The following ZNF174 variants were observed in gnomAD, a reference collection of about 807,000 sequenced individuals.
The protein encoded by ZNF174 is AW-1.
ZNF174 carries 30 observed loss-of-function variants against 38.7 expected under a neutral mutation model. The observed-to-expected ratio is 0.78, with a 90% CI of 0.58 to 1.05. The LOEUF is 1.05. ZNF174 is among the 50% of genes least tolerant of loss of function. The pLI, the probability that ZNF174 is intolerant of heterozygous loss-of-function variation, is 0.00. For missense variants in ZNF174, 499 were observed against 495.6 expected (o/e 1.01, Z -0.06); for synonymous variants, 201 against 181.7 (o/e 1.11, Z -0.86).
Position 3,409,156 on chromosome 16 carries a change from C to G in ZNF174, c.*237C>G, listed in dbSNP as rs373916241. ...GCACTGGGGCAAAGAGAACTTAAGT[C>G]TCTGCAGAGAGCAAGGAGTAACTAC... On this transcript the variant is annotated 3_prime_UTR_variant, in exon 3 of 3. Transcript: ENST00000268655. 5.6e-6 allele frequency: 3 copies of G among 531,196 alleles called. No individual in the cohort carries two copies. The South Asian group carries it at 6.9e-5, about 12-fold the overall frequency. The allele number at this position is 531,196 out of a possible 1,614,324, so 32.9% of individuals were successfully genotyped here.
In ZNF174 at chr16:3,402,415, G is replaced by A. The variant is rs373362212; in HGVS notation, c.402+9G>A. On this transcript the variant is annotated intron_variant, in intron 1 of 2. Transcript: ENST00000268655. ...AGAAACCAAAGCAGTGGGTAAGGAG[G>A]GTCCTCTCCCATCATCCTGGGGATT... 38 of 1,591,312 alleles carry A rather than the reference G, an allele frequency of 2.4e-5. No homozygotes were observed. Among genetic ancestry groups the A allele is most frequent in the Middle Eastern group, 1.7e-4 (1 of 6,012 alleles).
intron 1 of ZNF174, among the ~76,000 whole-genome samples, chr16:3,404,039 C>A (rs2034013776): frequency 6.6e-6 from 1 of 152,106 alleles, no homozygotes; most frequent in South Asian, 2.1e-4. Context: ...TTTTAACAGC[C>A]CCTCACCATA....
In ZNF174 at chr16:3,402,029, T is replaced by G; in HGVS notation, c.25T>G (p.Leu9Val). The G allele has an allele frequency of 6.2e-7, 1 of 1,612,982 alleles. No homozygotes were observed. Residue 9 changes from leucine (L) to valine (V), a missense_variant, in exon 1 of 3, where the codon TTA becomes GTA. Transcript: ENST00000268655. ...AATGGCAGCTAAAATGGAGATAACT[T>G]TAAGCTCCAACACTGAAGCTTCCTC... MAAKMEIT[L>V]SSNTEASSKQ...
chr16:3,408,171 C>G, intron 2 of ZNF174, 150 bp from the exon 3 acceptor site: 1 of 743,926 alleles, frequency 1.3e-6, no homozygotes, highest in African/African-American at 1.8e-5. Context: ...GGGTGAAGAG[C>G]CTGCTTGTTT....
chr16:3,401,890 A>C lies in ZNF174; in HGVS notation c.-115A>C, dbSNP rs2150920962. 2.2e-6 allele frequency: 3 copies of C among 1,337,042 alleles called. No homozygotes were observed. The highest frequency in any genetic ancestry group is 3.1e-6 in the Non-Finnish European group (3 of 972,796). The allele number at this position is 1,337,042 out of a possible 1,614,324, so 82.8% of individuals were successfully genotyped here. On this transcript the variant is annotated 5_prime_UTR_variant, in exon 1 of 3. Coordinates refer to ENST00000268655, the MANE Select transcript of ZNF174 (RefSeq NM_003450.3). Reference sequence around the variant, plus strand: ...GTCTCTGCATCCCGTTCCCCCTAACATCCTCAGAGAACCTTCGTTTCTAGA... The same window carrying C: ...GTCTCTGCATCCCGTTCCCCCTAACCTCCTCAGAGAACCTTCGTTTCTAGA...
In ZNF174 at chr16:3,402,275, A is replaced by C. The variant is rs768853864; in HGVS notation, c.271A>C (p.Met91Leu). 6.2e-7 allele frequency: 1 copy of C among 1,614,018 alleles called. No homozygotes were observed. Among genetic ancestry groups the C allele is most frequent in the South Asian group, 1.1e-5 (1 of 91,074 alleles). The change falls in exon 1 of 3, where the codon ATG (methionine) becomes CTG (leucine). Residue 91 changes from methionine to leucine, a missense_variant. Physicochemically the swap from Met to Leu is conservative, Grantham distance 15. Transcript: ENST00000268655. ...TKEQILELLVMEQFLTILPPE... is the reference protein window; with the variant it reads ...TKEQILELLVLEQFLTILPPE... Reference sequence around the variant, plus strand: ...GGAGCAGATTTTGGAGCTTCTGGTGATGGAGCAGTTCCTGACCATCCTGCC... The same window carrying C: ...GGAGCAGATTTTGGAGCTTCTGGTGCTGGAGCAGTTCCTGACCATCCTGCC...
Position 3,402,192 on chromosome 16 carries a change from CTCTCTCCCA to C in ZNF174, c.189_197del (p.Ser65_Leu67del). On this transcript the variant is annotated inframe_deletion, in exon 1 of 3. Coordinates refer to ENST00000268655, the MANE Select transcript of ZNF174 (RefSeq NM_003450.3). ...CAAGAGGTGTCTGGACCCCAAGAGG[CTCTCTCCCA>C]GCTCCGACAGCTCTGCCGTCAGTGG... is the stretch of plus-strand genomic sequence containing the variant. 1 of 1,612,770 alleles carries C rather than the reference CTCTCTCCCA, an allele frequency of 6.2e-7. No individual in the cohort carries two copies. The highest frequency in any genetic ancestry group is 2.2e-5 in the East Asian group (1 of 44,852).
chr16:3,406,858 G>A (rs1276560858), intron 2 of ZNF174, among the ~76,000 whole-genome samples: 2 of 152,144 alleles, frequency 1.3e-5, no homozygotes, highest in African/African-American at 2.4e-5. Flanking sequence ...GCACAAATAT[G>A]TACAGCTATG....
chr16:3,403,412 C>T (rs2033996002), intron 1 of ZNF174, among the ~76,000 whole-genome samples: 1 of 151,492 alleles, frequency 6.6e-6, no homozygotes, highest in Non-Finnish European at 1.5e-5. Context: ...CTCAAGTGAT[C>T]CTCCCGCCTT....
chr16:3,404,446 G>A lies in ZNF174; in HGVS notation c.423G>A (p.Gly141=), dbSNP rs1206115982. The change falls in exon 2 of 3, where the codon GGG becomes GGA. Residue 141 remains glycine, a synonymous_variant. Coordinates refer to ENST00000268655, the MANE Select transcript of ZNF174 (RefSeq NM_003450.3). ...CCTAGGTGGCCGTTTGTATGCAGGG[G>A]CAAAAGGTGCTCTTGGAGAAAACTG... The part of the protein sequence containing the change: ...PKQWVAVCMQ[G]QKVLLEKTGS... 1.2e-6 allele frequency: 2 copies of A among 1,608,658 alleles called. No individual in the cohort carries two copies. Among genetic ancestry groups the A allele is most frequent in the Admixed American group, 1.7e-5 (1 of 59,786 alleles).
Position 3,409,206 on chromosome 16 carries a change from C to G in ZNF174, c.*287C>G, listed in dbSNP as rs1483068985. On this transcript the variant is annotated 3_prime_UTR_variant, in exon 3 of 3. Transcript: ENST00000268655. ...CTGAGAGAGAATCAGGACAATCCTG[C>G]AGGTGGCCCGCTTACTGTTAAATCG... 1 of 384,588 alleles carries G rather than the reference C, an allele frequency of 2.6e-6. No individual in the cohort carries two copies. The highest frequency in any genetic ancestry group is 4.7e-6 in the Non-Finnish European group (1 of 213,542). The allele number at this position is 384,588 out of a possible 1,614,324, so 23.8% of individuals were successfully genotyped here. A position where few individuals can be genotyped will look rare whatever the true frequency, so the allele number is the denominator to read the frequency against.
At position 3,401,227 on chromosome 16, in the gene ZNF174, C is replaced by A. The variant is rs1477436158; in HGVS notation, c.-778C>A. ...CGGCCCCGCCCCCAGCCCGTGCTCG[C>A]CGGTGTCGGGTCCTAAGTCCCTCGG... On this transcript the variant is annotated 5_prime_UTR_variant, in exon 1 of 3. Coordinates refer to ENST00000268655, the MANE Select transcript of ZNF174 (RefSeq NM_003450.3). 1 of 152,332 alleles carries A rather than the reference C, an allele frequency of 6.6e-6. No homozygotes were observed. Among genetic ancestry groups the A allele is most frequent in the African/African-American group, 2.4e-5 (1 of 41,462 alleles). The allele number at this position is 152,332 out of a possible 1,614,324, so 9.4% of individuals were successfully genotyped here. A position where few individuals can be genotyped will look rare whatever the true frequency, so the allele number is the denominator to read the frequency against.
chr16:3,402,551 C>A, intron 1 of ZNF174, 145 bp downstream of exon 1: 1 of 808,526 alleles, frequency 1.2e-6, no homozygotes, highest in Non-Finnish European at 1.8e-6. Flanking sequence ...CTCCGCCTCC[C>A]GGGTTCACGC....
At chr16:3,408,150 C>T (rs1022467309) in intron 2 of ZNF174, among the ~76,000 whole-genome samples, 171 bp from the exon 3 acceptor site, 4 of 152,168 alleles carry the variant, frequency 2.6e-5, no homozygotes, top group Admixed American at 1.3e-4. Flanking sequence ...GACCCAGCAG[C>T]TCTGGGGGAA....
chr16:3,404,109 A>G (rs183124822), intron 1 of ZNF174, among the ~76,000 whole-genome samples: 1 of 152,246 alleles, frequency 6.6e-6, no homozygotes, highest in Non-Finnish European at 1.5e-5. Flanking sequence ...TGGTGTGTAG[A>G]GTAGGCATCT....
intron 2 of ZNF174, among the ~76,000 whole-genome samples, chr16:3,407,674 C>G (rs549414938): frequency 1.3e-4 from 20 of 152,338 alleles, no homozygotes; most frequent in African/African-American, 4.8e-4. Context: ...GGATCCTTCT[C>G]CAGATCCTGT....
At chr16:3,408,268 T>A (rs2150925375) in intron 2 of ZNF174, 53 bp from the exon 3 acceptor site, 1 of 1,499,114 alleles carries the variant, frequency 6.7e-7, no homozygotes. Flanking sequence ...TAACTCTTGC[T>A]GAAGTTATTT....
intron 2 of ZNF174, among the ~76,000 whole-genome samples, chr16:3,407,249 C>A (rs2034068489): frequency 6.6e-6 from 1 of 152,110 alleles, no homozygotes; most frequent in South Asian, 2.1e-4. Context: ...ACCCTCATAA[C>A]CTAATCACCT....
At chr16:3,404,334 T>C in intron 1 of ZNF174, 92 bp from the exon 2 acceptor site, 1 of 1,321,374 alleles carries the variant, frequency 7.6e-7, no homozygotes, top group Admixed American at 2.3e-5. Flanking sequence ...TTATCAGCAA[T>C]TCCCAAGGTA....
Sources: allele counts gnomAD v4.1 joint callset (sites outside exome capture counted in the v4.1 genomes callset), GRCh38; gene constraint gnomAD v4.1.1; transcripts MANE v1.5; gene names NCBI Gene and HGNC (gene_info 2026-07-23, HGNC 2026-07-21).